The following SH2D4B variants were observed in gnomAD, a reference collection of about 807,000 sequenced individuals.
The protein encoded by SH2D4B is SH2 domain containing 4B, also known as SH2 domain-containing protein 4B.
A neutral mutation model predicts 61.5 loss-of-function variants in SH2D4B; 45 were observed. The observed-to-expected ratio is 0.73, with a 90% confidence interval of 0.58 to 0.94. The LOEUF (loss-of-function observed/expected upper bound fraction) is 0.94. SH2D4B is among the 40% of genes least tolerant of loss of function. The pLI is 0.00. For missense variants in SH2D4B, 572 were observed against 574.2 expected (o/e 1.00, Z 0.04); for synonymous variants, 224 against 220.4 (o/e 1.02, Z -0.14).
intron 1 of SH2D4B, among the ~76,000 whole-genome samples, chr10:80,544,451 C>T (rs1841638645): frequency 6.6e-6 from 1 of 152,270 alleles, no homozygotes; most frequent in African/African-American, 2.4e-5. Flanking sequence ...CCCACCAATT[C>T]CAGACACAGA....
chr10:80,608,496 C>T (rs1442458249), intron 5 of SH2D4B, among the ~76,000 whole-genome samples: 1 of 152,226 alleles, frequency 6.6e-6, no homozygotes, highest in South Asian at 2.1e-4. Flanking sequence ...TGTCACGTGT[C>T]GTGTGCTGCC....
At chr10:80,570,874 C>T (rs1842033637) in intron 2 of SH2D4B, among the ~76,000 whole-genome samples, 1 of 151,924 alleles carries the variant, frequency 6.6e-6, no homozygotes, top group African/African-American at 2.4e-5. Context: ...ATTTATTTAT[C>T]ATTTTGTTTT....
chr10:80,588,737 C>T lies in SH2D4B; in HGVS notation c.603C>T (p.Cys201=), dbSNP rs1346780648. 4.3e-6 allele frequency: 7 copies of T among 1,614,084 alleles called. No individual in the cohort carries two copies. The highest frequency in any genetic ancestry group is 5.9e-6 in the Non-Finnish European group (7 of 1,180,032). ...YWTLKQAQLH[C]QASEKEEREW... ...CCCTGAAGCAGGCTCAGCTGCATTG[C>T]CAAGCCAGTGAGAAAGAGGAGCGAG... is the stretch of plus-strand genomic sequence containing the variant. Residue 201 remains cysteine, a synonymous_variant, in exon 4 of 8, where the codon TGC becomes TGT. Coordinates refer to ENST00000646907, the MANE Select transcript of SH2D4B (RefSeq NM_001388272.1).
chr10:80,579,847 T>C (rs1185980045), intron 3 of SH2D4B, among the ~76,000 whole-genome samples: 1 of 152,208 alleles, frequency 6.6e-6, no homozygotes, highest in Admixed American at 6.5e-5. Flanking sequence ...AATTTTAGAC[T>C]TTACCAGAAC....
chr10:80,579,625 A>T (rs547768904), intron 3 of SH2D4B, among the ~76,000 whole-genome samples: 1 of 151,942 alleles, frequency 6.6e-6, no homozygotes, highest in African/African-American at 2.4e-5. Context: ...TTTTACTCTT[A>T]ACGAACAGAC....
intron 3 of SH2D4B, among the ~76,000 whole-genome samples, chr10:80,574,348 C>T (rs1302701711): frequency 1.3e-5 from 2 of 152,158 alleles, no homozygotes; most frequent in African/African-American, 4.8e-5. Context: ...TGTTGCCCAG[C>T]TGGTCTTGAA....
chr10:80,543,287 C>G (rs985357072), intron 1 of SH2D4B, among the ~76,000 whole-genome samples: 8 of 152,130 alleles, frequency 5.3e-5, no homozygotes, highest in African/African-American at 1.9e-4. Flanking sequence ...CCAGCGGGAA[C>G]CGGGGCCAGC....
chr10:80,592,498 T>C (rs1842340806), intron 4 of SH2D4B, among the ~76,000 whole-genome samples: 1 of 152,232 alleles, frequency 6.6e-6, no homozygotes. Flanking sequence ...CTAAGAGCTT[T>C]ATAGGTTTAG....
chr10:80,622,850 T>A (rs1346971496), intron 6 of SH2D4B, among the ~76,000 whole-genome samples: 1 of 152,202 alleles, frequency 6.6e-6, no homozygotes, highest in Non-Finnish European at 1.5e-5. Context: ...CCATTTGTAT[T>A]TGGGGTTTTC....
At chr10:80,572,065 C>T (rs1363124834) in intron 3 of SH2D4B, among the ~76,000 whole-genome samples, 1 of 151,974 alleles carries the variant, frequency 6.6e-6, no homozygotes, top group African/African-American at 2.4e-5. Context: ...AGCCACTGCG[C>T]CCGGCCGGGC....
Position 80,603,804 on chromosome 10 carries a change from A to T in SH2D4B, c.860+9A>T. ...CTTGCCCTGCCGGTCAGGTGGGTCCAGGCTCCGTGTTGGTGTGGTTGGGGC... is the reference window on the plus strand; with the variant it reads ...CTTGCCCTGCCGGTCAGGTGGGTCCTGGCTCCGTGTTGGTGTGGTTGGGGC... On this transcript the variant is annotated intron_variant, in intron 5 of 7. Coordinates refer to ENST00000646907, the MANE Select transcript of SH2D4B (RefSeq NM_001388272.1). The T allele has an allele frequency of 6.2e-7, 1 of 1,605,104 alleles. No individual in the cohort carries two copies. The highest frequency in any genetic ancestry group is 1.7e-5 in the Admixed American group (1 of 59,262).
intron 7 of SH2D4B, 140 bp downstream of exon 7, chr10:80,634,645 G>T: frequency 2.3e-6 from 3 of 1,321,054 alleles, no homozygotes; most frequent in Non-Finnish European, 3.0e-6. Context: ...GAGCATCAGG[G>T]CAGAAGAGAC....
In SH2D4B at chr10:80,545,235, A is replaced by G. The variant is rs1477883978; in HGVS notation, c.184+6720A>G. On this transcript the variant is annotated intron_variant, in intron 1 of 7. Coordinates refer to ENST00000646907, the MANE Select transcript of SH2D4B (RefSeq NM_001388272.1). ...CACTTCAAAAACAAACCCCGTAGCCATGAATGGTCACTCCCTAGCCCCTCC... is the reference window on the plus strand; with the variant it reads ...CACTTCAAAAACAAACCCCGTAGCCGTGAATGGTCACTCCCTAGCCCCTCC... 2.0e-5 allele frequency among the ~76,000 whole-genome samples: 3 copies of G among 152,164 alleles called. No homozygotes were observed. In the East Asian group the frequency reaches 5.8e-4, roughly 29 times the overall value.
intron 5 of SH2D4B, among the ~76,000 whole-genome samples, chr10:80,604,223 G>A (rs918935132): frequency 4.6e-5 from 7 of 152,230 alleles, no homozygotes; most frequent in African/African-American, 9.6e-5. Flanking sequence ...CCCCAGGCAA[G>A]CCAGTTTTTC....
At chr10:80,613,269 A>T (rs1007426762) in intron 6 of SH2D4B, among the ~76,000 whole-genome samples, 1 of 152,240 alleles carries the variant, frequency 6.6e-6, no homozygotes, top group African/African-American at 2.4e-5. Flanking sequence ...TAGTTATATC[A>T]AACTACTTGT....
At chr10:80,638,654 G>A (rs925858028) in intron 7 of SH2D4B, among the ~76,000 whole-genome samples, 3 of 151,974 alleles carry the variant, frequency 2.0e-5, no homozygotes, top group Admixed American at 2.0e-4. Context: ...ATTTTTTATT[G>A]CGTCTATTTG....
intron 1 of SH2D4B, among the ~76,000 whole-genome samples, chr10:80,544,047 C>T (rs1564763856): frequency 6.6e-6 from 1 of 152,140 alleles, no homozygotes; most frequent in Non-Finnish European, 1.5e-5. Context: ...CCAGCAGTGA[C>T]AACCCACTCC....
intron 4 of SH2D4B, among the ~76,000 whole-genome samples, chr10:80,600,518 G>A (rs1050815929): frequency 3.6e-5 from 4 of 111,912 alleles, no homozygotes; most frequent in African/African-American, 7.2e-5. Flanking sequence ...AGTGCAGAGT[G>A]GCATGTGTGT....
intron 7 of SH2D4B, among the ~76,000 whole-genome samples, chr10:80,637,287 A>C (rs1437064171): frequency 2.0e-5 from 3 of 152,134 alleles, no homozygotes; most frequent in African/African-American, 7.2e-5. Context: ...TTTTGGTTCC[A>C]TATGAACTTT....
Sources: allele counts gnomAD v4.1 joint callset (sites outside exome capture counted in the v4.1 genomes callset), GRCh38; gene constraint gnomAD v4.1.1; transcripts MANE v1.5; gene names NCBI Gene and HGNC (gene_info 2026-07-23, HGNC 2026-07-21).